Variants in USP7 observed in about 807,000 individuals in gnomAD.
USP7 encodes the protein ubiquitin C-terminal hydrolase 7.
In USP7, 9 loss-of-function variants were observed where a neutral mutation model predicts 162.9. The ratio of observed to expected loss-of-function variants is 0.06; its 90% CI spans 0.03 to 0.10. The LOEUF is 0.10. USP7 is among the 10% of genes least tolerant of loss of function. The probability of loss-of-function intolerance (pLI) is 1.00; values close to 1 mark genes in which losing one functional copy is unlikely to be tolerated. For synonymous variants in USP7, 562 were observed against 475.9 expected (o/e 1.18, Z -2.35); for missense variants, 715 against 1,373.7 (o/e 0.52, Z 7.58).
intron 8 of USP7, 74 bp from the exon 9 acceptor site, chr16:8,915,599 T>G: frequency 7.8e-7 from 1 of 1,275,060 alleles, no homozygotes. Context: ...TATAATTGAC[T>G]AGAAATATCA....
chr16:8,930,264 C>G (rs377464694), intron 2 of USP7, 29 bp downstream of exon 2: 31 of 1,575,532 alleles, frequency 2.0e-5, no homozygotes, highest in Non-Finnish European at 1.0e-5. Flanking sequence ...TTTCCGCCCA[C>G]TGCGAGGCGG....
Position 8,901,209 on chromosome 16 carries a change from C to T in USP7, c.2073G>A (p.Met691Ile). 2 of 1,613,282 alleles carry T rather than the reference C, an allele frequency of 1.2e-6. No individual in the cohort carries two copies. The highest frequency in any genetic ancestry group is 1.3e-5 in the African/African-American group (1 of 74,898). The change falls in exon 19 of 31, where the codon ATG becomes ATA. Residue 691 changes from methionine (M) to isoleucine (I), a missense_variant. By Grantham distance (10) the Met-to-Ile change is conservative (BLOSUM62 1). Coordinates refer to ENST00000344836, the MANE Select transcript of USP7 (RefSeq NM_003470.3). The stretch of plus-strand genomic sequence containing the variant: ...TCAAGCTCCGCGTTTTGGGATCATA[C>T]ATCTTCAAAAATAACATTACATCAT... ...KDHDVMLFLK[M>I]YDPKTRSLNY...
intron 23 of USP7, 110 bp downstream of exon 23, chr16:8,899,011 A>C (rs2437724): frequency 1 from 1,130,179 of 1,133,012 alleles, 563,714 homozygotes; most frequent in East Asian, 1. Context: ...CAAGAAATGG[A>C]CTGTCAGGTG....
chr16:8,952,714 G>A (rs1165534956), intron 1 of USP7, among the ~76,000 whole-genome samples: 1 of 152,160 alleles, frequency 6.6e-6, no homozygotes, highest in Non-Finnish European at 1.5e-5. Context: ...ATTAGGACAT[G>A]GACACCTTTC....
intron 6 of USP7, among the ~76,000 whole-genome samples, chr16:8,918,026 A>G (rs1019027052): frequency 1.4e-4 from 21 of 150,812 alleles, no homozygotes; most frequent in Non-Finnish European, 3.0e-4. Flanking sequence ...TGCTGACCTC[A>G]TGATCCGCCC....
At chr16:8,932,763 A>G (rs1045325065) in intron 1 of USP7, among the ~76,000 whole-genome samples, 1 of 152,222 alleles carries the variant, frequency 6.6e-6, no homozygotes, top group Non-Finnish European at 1.5e-5. Context: ...AAAGTGGAGG[A>G]GGCAAGAAGG....
chr16:8,943,048 C>CT, intron 1 of USP7, among the ~76,000 whole-genome samples: 1 of 152,154 alleles, frequency 6.6e-6, no homozygotes, highest in Non-Finnish European at 1.5e-5. Flanking sequence ...AGTGGACCCA[C>CT]TTTGACGCTT....
At chr16:8,954,434 T>C (rs1395750286) in intron 1 of USP7, among the ~76,000 whole-genome samples, 2 of 152,212 alleles carry the variant, frequency 1.3e-5, no homozygotes, top group African/African-American at 2.4e-5. Flanking sequence ...AAACTCATCA[T>C]ATGAGGCGTG....
chr16:8,936,548 C>T (rs764296646), intron 1 of USP7: 3 of 1,503,278 alleles, frequency 2.0e-6, no homozygotes, highest in Non-Finnish European at 8.8e-7. Context: ...CATCCATCAC[C>T]AGCATAAGGA....
intron 20 of USP7, 60 bp from the exon 21 acceptor site, chr16:8,900,690 G>C (rs1028248831): frequency 3.0e-5 from 38 of 1,258,738 alleles, no homozygotes; most frequent in Admixed American, 2.2e-4. Context: ...AATATGGCCA[G>C]ATAGTCTTCC....
chr16:8,912,453 A>G (rs1289474257), intron 10 of USP7, among the ~76,000 whole-genome samples: 2 of 151,684 alleles, frequency 1.3e-5, no homozygotes, highest in African/African-American at 4.8e-5. Context: ...CCATGTCAAA[A>G]AAAAAAAAAG....
chr16:8,915,005 A>G (rs1455511041), intron 10 of USP7, among the ~76,000 whole-genome samples: 1 of 152,214 alleles, frequency 6.6e-6, no homozygotes, highest in Non-Finnish European at 1.5e-5. Context: ...CCAGGGTGTT[A>G]GAAGTCCACG....
intron 23 of USP7, chr16:8,898,856 C>G (rs537495410): frequency 9.9e-6 from 6 of 609,110 alleles, no homozygotes. Context: ...CACACAGCAG[C>G]CTGGCAGGAC....
intron 1 of USP7, among the ~76,000 whole-genome samples, chr16:8,940,641 G>A (rs373845335): frequency 7.9e-5 from 12 of 152,114 alleles, no homozygotes; most frequent in Admixed American, 2.6e-4. Context: ...CAAAAAAGAC[G>A]GAGTTACCAC....
In USP7 at chr16:8,921,114, C is replaced by G. The variant is rs748601932; in HGVS notation, c.522+43G>C. 1.0e-5 allele frequency: 16 copies of G among 1,572,714 alleles called. No homozygotes were observed. The Admixed American group carries it at 2.3e-4, about 23-fold the overall frequency. On this transcript the variant is annotated intron_variant, in intron 4 of 30. Transcript: ENST00000344836. Reference sequence around the variant, plus strand: ...ATCAAAAAGTTAAGGGAACAACAAGCAGTAATGCACCAATTGTTCAGACTA... The same window carrying G: ...ATCAAAAAGTTAAGGGAACAACAAGGAGTAATGCACCAATTGTTCAGACTA...
At chr16:8,957,150 T>A (rs570516395) in intron 1 of USP7, among the ~76,000 whole-genome samples, 35 of 152,288 alleles carry the variant, frequency 2.3e-4, no homozygotes, top group African/African-American at 7.9e-4. Flanking sequence ...TAGACCTGCT[T>A]CTCTTCAAAA....
intron 5 of USP7, 64 bp downstream of exon 5, chr16:8,920,295 T>A: frequency 7.0e-7 from 1 of 1,428,076 alleles, no homozygotes; most frequent in East Asian, 2.3e-5. Context: ...ACATGCACGC[T>A]AAAGCTTCTT....
chr16:8,943,643 G>C (rs780445193), intron 1 of USP7, among the ~76,000 whole-genome samples: 2 of 152,220 alleles, frequency 1.3e-5, no homozygotes, highest in African/African-American at 2.4e-5. Context: ...ATGCCCACCA[G>C]TACTGAAGGT....
chr16:8,910,869 T>C (rs1483520166), intron 10 of USP7, 42 bp from the exon 11 acceptor site: 12 of 1,530,974 alleles, frequency 7.8e-6, no homozygotes, highest in Non-Finnish European at 1.1e-5. Flanking sequence ...TAAAGCTTCA[T>C]TTATAATGTA....
Sources: allele counts gnomAD v4.1 joint callset (sites outside exome capture counted in the v4.1 genomes callset), GRCh38; gene constraint gnomAD v4.1.1; transcripts MANE v1.5; gene names NCBI Gene and HGNC (gene_info 2026-07-23, HGNC 2026-07-21).